INPP5A: variants seen among roughly 807,000 people sequenced by gnomAD.
The protein encoded by INPP5A is inositol polyphosphate-5-phosphatase A.
A neutral mutation model predicts 65.2 loss-of-function variants in INPP5A; 14 were observed. The observed-to-expected ratio is 0.21, with a 90% CI of 0.14 to 0.34. The LOEUF (loss-of-function observed/expected upper bound fraction) is 0.34. Ranked by LOEUF, INPP5A falls within the 10% of genes least tolerant of loss-of-function variation. The pLI, the probability that INPP5A is intolerant of heterozygous loss-of-function variation, is 1.00. For missense variants in INPP5A, 431 were observed against 545.6 expected, an observed-to-expected ratio of 0.79 and a Z score of 2.09; for synonymous variants, 207 against 208.3, an observed-to-expected ratio of 0.99 and a Z score of 0.05.
chr10:132,746,528 C>A (rs1306037445), intron 9 of INPP5A, among the ~76,000 whole-genome samples: 1 of 152,216 alleles, frequency 6.6e-6, no homozygotes, highest in East Asian at 1.9e-4. Context: ...GACACCTGTG[C>A]CCTGGGCCTG....
intron 1 of INPP5A, among the ~76,000 whole-genome samples, chr10:132,573,298 GCT>G (rs2071373021): frequency 2.1e-5 from 3 of 145,002 alleles, no homozygotes. Flanking sequence ...GGGTGTGTGT[GCT>G]GTGTGAGGTT....
At chr10:132,626,777 G>T (rs1490408638) in intron 2 of INPP5A, among the ~76,000 whole-genome samples, 1 of 152,232 alleles carries the variant, frequency 6.6e-6, no homozygotes, top group East Asian at 1.9e-4. Context: ...GCTCACAGCA[G>T]TGCAGGGGTT....
intron 1 of INPP5A, among the ~76,000 whole-genome samples, chr10:132,574,357 G>C (rs28675688): frequency 5.5e-4 from 81 of 147,124 alleles, no homozygotes; most frequent in African/African-American, 1.9e-3. Flanking sequence ...GTTGGGATGT[G>C]CGTGCCGTGT....
At position 132,550,177 on chromosome 10, in the gene INPP5A, T is replaced by G. The variant is rs1237023301; in HGVS notation, c.75+12006T>G. 1.3e-5 allele frequency among the ~76,000 whole-genome samples: 2 copies of G among 152,152 alleles called. No homozygotes were observed. The highest frequency in any genetic ancestry group is 2.9e-5 in the Non-Finnish European group (2 of 68,028). ...GAAGATGGGGTCAGTCTTGAGTTAT[T>G]AGTATTTATCGGGGAGAGCAGAGAG... On this transcript the variant is annotated intron_variant, in intron 1 of 15. Transcript: ENST00000368594. This position sits in a 1 kb window ranked among gnomAD's most constrained non-coding sequence, Gnocchi z 4.2.
chr10:132,656,120 G>T (rs527271887), intron 4 of INPP5A, among the ~76,000 whole-genome samples: 7 of 152,268 alleles, frequency 4.6e-5, no homozygotes, highest in Non-Finnish European at 1.0e-4. Flanking sequence ...GCCCAGGACT[G>T]TCCTGACCGG....
chr10:132,712,194 CATGT>C (rs1845648639), intron 8 of INPP5A, among the ~76,000 whole-genome samples: 1 of 152,224 alleles, frequency 6.6e-6, no homozygotes. Flanking sequence ...GTTCAGTGTG[CATGT>C]GTGTGCCTGT....
At chr10:132,775,111 G>GGAGA (rs765891029) in intron 12 of INPP5A, among the ~76,000 whole-genome samples, 5 of 8,948 alleles carry the variant, frequency 5.6e-4, no homozygotes, top group East Asian at 3.9e-3. Flanking sequence ...CAGGCAGGGA[G>GGAGA]GAGGGGCAGG....
At chr10:132,670,573 A>G (rs1382228706) in intron 4 of INPP5A, among the ~76,000 whole-genome samples, 4 of 149,416 alleles carry the variant, frequency 2.7e-5, no homozygotes. Context: ...TGCTGGGGGG[A>G]GAGTGGTTGG....
intron 1 of INPP5A, among the ~76,000 whole-genome samples, chr10:132,601,214 A>G (rs951077468): frequency 1.3e-5 from 2 of 152,200 alleles, no homozygotes; most frequent in African/African-American, 4.8e-5. Context: ...GTGAAATGGC[A>G]TTTCATTATG....
chr10:132,720,343 C>G (rs1845844837), intron 8 of INPP5A, among the ~76,000 whole-genome samples: 1 of 142,858 alleles, frequency 7.0e-6, no homozygotes, highest in East Asian at 2.2e-4. Flanking sequence ...GCGCCTTAGA[C>G]AGCTGTCTTC....
At chr10:132,772,549 A>C in intron 12 of INPP5A, among the ~76,000 whole-genome samples, 2 of 113,616 alleles carry the variant, frequency 1.8e-5, no homozygotes, top group African/African-American at 3.3e-5. Flanking sequence ...CAGCACTGAC[A>C]CAGAGGCCAC....
intron 8 of INPP5A, among the ~76,000 whole-genome samples, chr10:132,725,505 G>C (rs1245885121): frequency 1.3e-5 from 2 of 152,204 alleles, no homozygotes; most frequent in Non-Finnish European, 2.9e-5. Flanking sequence ...CTCACTTGGG[G>C]ATTCTTCTAC....
At chr10:132,781,048 C>T (rs997228557) in intron 14 of INPP5A, 131 bp downstream of exon 14, 5 of 681,216 alleles carry the variant, frequency 7.3e-6, no homozygotes, top group African/African-American at 7.0e-5. Context: ...CCAGTCTCTC[C>T]TCTCCTGTTC....
intron 11 of INPP5A, among the ~76,000 whole-genome samples, chr10:132,751,853 C>T (rs1324780933): frequency 1.4e-5 from 2 of 147,254 alleles, no homozygotes; most frequent in Non-Finnish European, 3.0e-5. Context: ...GAGGCGGGTG[C>T]CCAGGAGGTC....
intron 2 of INPP5A, among the ~76,000 whole-genome samples, chr10:132,611,395 G>GA: frequency 6.7e-6 from 1 of 148,418 alleles, no homozygotes; most frequent in African/African-American, 2.5e-5. Context: ...GCAGAGGAGA[G>GA]GCCTGTCAGA....
intron 2 of INPP5A, among the ~76,000 whole-genome samples, chr10:132,612,540 G>A (rs1590868127): frequency 1.3e-5 from 2 of 152,022 alleles, no homozygotes; most frequent in Admixed American, 1.3e-4. Flanking sequence ...AGTTTGGGGA[G>A]GCTGTGCAGG....
intron 9 of INPP5A, among the ~76,000 whole-genome samples, chr10:132,746,642 C>T (rs1223997156): frequency 6.6e-6 from 1 of 152,170 alleles, no homozygotes; most frequent in Non-Finnish European, 1.5e-5. Context: ...TGGCACACAG[C>T]GTTCCCGTTA....
chr10:132,752,272 C>T (rs1253196641), intron 11 of INPP5A, among the ~76,000 whole-genome samples: 1 of 151,882 alleles, frequency 6.6e-6, no homozygotes, highest in Non-Finnish European at 1.5e-5. Flanking sequence ...AGTGGAGGGT[C>T]CCTTGGAGGA....
At chr10:132,740,155 G>A (rs1267361088) in intron 9 of INPP5A, among the ~76,000 whole-genome samples, 1 of 152,218 alleles carries the variant, frequency 6.6e-6, no homozygotes, top group Admixed American at 6.5e-5. Context: ...GACCAGTAAT[G>A]CTTCTCCAGG....
Sources: allele counts gnomAD v4.1 joint callset (sites outside exome capture counted in the v4.1 genomes callset), GRCh38; gene constraint gnomAD v4.1.1; non-coding constraint Gnocchi (gnomAD v3.1); transcripts MANE v1.5; gene names NCBI Gene and HGNC (gene_info 2026-07-23, HGNC 2026-07-21).